AFDN: variants seen among roughly 807,000 people sequenced by gnomAD.
AFDN encodes the protein afadin.
AFDN carries 68 observed loss-of-function variants against 216.6 expected under a neutral mutation model. The ratio of observed to expected loss-of-function variants is 0.31; its 90% CI spans 0.26 to 0.38. The LOEUF (loss-of-function observed/expected upper bound fraction) is 0.38, where lower values mean the gene tolerates loss of function less well. Among genes scored for constraint, AFDN ranks in the 10% least tolerant of loss-of-function variants. The pLI, the probability that AFDN is intolerant of heterozygous loss-of-function variation, is 1.00. For synonymous variants in AFDN, 868 were observed against 853.7 expected (o/e 1.02, Z -0.29); for missense variants, 2,136 against 2,342.0 (o/e 0.91, Z 1.82).
At chr6:167,857,406 T>A (rs2128204512) in intron 1 of AFDN, among the ~76,000 whole-genome samples, 1 of 152,230 alleles carries the variant, frequency 6.6e-6, no homozygotes, top group South Asian at 2.1e-4. Context: ...ACCAGTTGAT[T>A]AGTTGTACTC....
chr6:167,961,235 T>G (rs1797007304), intron 30 of AFDN, among the ~76,000 whole-genome samples: 1 of 152,240 alleles, frequency 6.6e-6, no homozygotes, highest in Middle Eastern at 3.2e-3. Context: ...TAGATGGCTT[T>G]AAGTTTCATT....
At position 167,889,298 on chromosome 6, in the gene AFDN, A is replaced by G. The variant is rs771891291; in HGVS notation, c.981A>G (p.Gln327=). ...IILDDDECPL[Q]IFREWPSDKG... ...TTGATGATGATGAGTGTCCTTTACA[A>G]ATCTTCAGGGAATGGCCAAGTGACA... The change falls in exon 7 of 34, where the codon CAA becomes CAG. Residue 327 remains glutamine (Q), a synonymous_variant. Coordinates refer to ENST00000683244, the MANE Select transcript of AFDN (RefSeq NM_001386888.1). 5.6e-6 allele frequency: 9 copies of G among 1,613,674 alleles called. No homozygotes were observed. The highest frequency in any genetic ancestry group is 7.6e-6 in the Non-Finnish European group (9 of 1,179,582).
At chr6:167,899,151 C>T (rs1788637777) in intron 11 of AFDN, among the ~76,000 whole-genome samples, 3 of 152,096 alleles carry the variant, frequency 2.0e-5, no homozygotes. Flanking sequence ...TTGTTTTGTT[C>T]TACGGCATGC....
In AFDN at chr6:167,930,745, G is replaced by A. The variant is rs1226800926; in HGVS notation, c.3099+5654G>A. 2.0e-5 allele frequency among the ~76,000 whole-genome samples: 3 copies of A among 152,196 alleles called. No individual in the cohort carries two copies. The East Asian group carries it at 5.8e-4, about 29-fold the overall frequency. ...CAGCCACAGGGCAGTTTGTGGCATA[G>A]CGTGGCTGTGTTCCAATAAAACTTC... On this transcript the variant is annotated intron_variant, in intron 23 of 33. Transcript: ENST00000683244.
chr6:167,847,529 A>G (rs1781834215), intron 1 of AFDN, among the ~76,000 whole-genome samples: 1 of 152,180 alleles, frequency 6.6e-6, no homozygotes, highest in African/African-American at 2.4e-5. Context: ...ACAGCAGCTC[A>G]CTTTACCAAT....
intron 2 of AFDN, among the ~76,000 whole-genome samples, chr6:167,867,704 T>G (rs1218737376): frequency 6.6e-6 from 1 of 152,176 alleles, no homozygotes; most frequent in East Asian, 1.9e-4. Flanking sequence ...GTGCTGGGAT[T>G]ACAGGCGTGA....
chr6:167,889,416 G>C, intron 7 of AFDN, 90 bp downstream of exon 7: 2 of 901,610 alleles, frequency 2.2e-6, no homozygotes, highest in Admixed American at 4.1e-5. Flanking sequence ...AGATGTGTAC[G>C]TTAATGTTTT....
chr6:167,964,228 T>C (rs571317787), intron 31 of AFDN: 98 of 1,063,900 alleles, frequency 9.2e-5, no homozygotes, highest in Middle Eastern at 4.2e-4. Context: ...CCAAAACTCA[T>C]GGGTTTGCTT....
intron 31 of AFDN, chr6:167,963,987 T>C: frequency 9.4e-7 from 1 of 1,064,640 alleles, no homozygotes; most frequent in Non-Finnish European, 1.1e-6. Context: ...GGCCCAGTCC[T>C]GGCCACGCCG....
At chr6:167,878,605 CTG>C (rs1491223899) in intron 5 of AFDN, among the ~76,000 whole-genome samples, 1 of 141,220 alleles carries the variant, frequency 7.1e-6, no homozygotes, top group Non-Finnish European at 1.6e-5. Flanking sequence ...CTCTCTCTCT[CTG>C]TCTCTCTCTC....
intron 4 of AFDN, among the ~76,000 whole-genome samples, chr6:167,872,690 C>T (rs949467371): frequency 8.5e-5 from 13 of 152,162 alleles, no homozygotes; most frequent in Admixed American, 7.8e-4. Context: ...GGGTTTTTTC[C>T]TCATTTCTGT....
chr6:167,924,134 A>G (rs1562682829), intron 22 of AFDN, among the ~76,000 whole-genome samples: 1 of 152,020 alleles, frequency 6.6e-6, no homozygotes, highest in Non-Finnish European at 1.5e-5. Context: ...AACTAATTTT[A>G]TTTTCCTTAA....
chr6:167,918,696 GAGC>G, intron 20 of AFDN, 36 bp from the exon 21 acceptor site: 1 of 1,598,440 alleles, frequency 6.3e-7, no homozygotes, highest in Non-Finnish European at 8.6e-7. Flanking sequence ...ACCAGGCAGT[GAGC>G]ATCTCTTTTT....
At chr6:167,890,825 T>C (rs1318032651) in intron 7 of AFDN, 37 bp from the exon 8 acceptor site, 1 of 1,601,744 alleles carries the variant, frequency 6.2e-7, no homozygotes. Context: ...CTGACCAACC[T>C]GAGTCTGCCT....
At chr6:167,835,803 G>A (rs536058722) in intron 1 of AFDN, among the ~76,000 whole-genome samples, 2 of 152,086 alleles carry the variant, frequency 1.3e-5, no homozygotes, top group African/African-American at 2.4e-5. Context: ...TGACCTGAAA[G>A]GGTCTCAGAG....
chr6:167,852,455 A>G (rs1562553296), intron 1 of AFDN, among the ~76,000 whole-genome samples: 2 of 152,174 alleles, frequency 1.3e-5, no homozygotes, highest in African/African-American at 2.4e-5. Context: ...TTCAGGTCCA[A>G]TTGTTGGACA....
rs1317205630 is a variant in AFDN at position 167,911,144 on chromosome 6, A to G, written c.1813A>G (p.Ile605Val). 1.2e-6 allele frequency: 2 copies of G among 1,614,024 alleles called. No individual in the cohort carries two copies. The highest frequency in any genetic ancestry group is 4.5e-5 in the East Asian group (2 of 44,876). Reference protein sequence around the residue: ...SGPELILPASIEFRESSEDSF... With the variant: ...SGPELILPASVEFRESSEDSF... ...GCCTGAGCTGATACTACCTGCAAGCATTGAATTCAGGGAAAGTTGTGAGTA... is the reference window on the plus strand; with the variant it reads ...GCCTGAGCTGATACTACCTGCAAGCGTTGAATTCAGGGAAAGTTGTGAGTA... The change falls in exon 14 of 34, where the codon ATT becomes GTT. Residue 605 changes from isoleucine to valine, a missense_variant. Ile to Val is a conservative substitution (Grantham distance 29). Around this residue, in one of 8 missense-constraint regions of AFDN, gnomAD observed 817 missense variants for 965.7 expected, o/e 0.85. Coordinates refer to ENST00000683244, the MANE Select transcript of AFDN (RefSeq NM_001386888.1).
rs1237131698 is a variant in AFDN, at chr6:167,941,636, C to T, written c.3100-1493C>T. Among the ~76,000 whole-genome samples, 153 of 35,340 alleles carry T rather than the reference C, an allele frequency of 4.3e-3. 33 individuals are homozygous for T. The highest frequency in any genetic ancestry group is 0.034 in the East Asian group (8 of 236). 23.2% of individuals were successfully genotyped at this position (35,340 alleles called of 152,430 possible). A position where few individuals can be genotyped will look rare whatever the true frequency, so the allele number is the denominator to read the frequency against. On this transcript the variant is annotated intron_variant, in intron 23 of 33. Coordinates refer to ENST00000683244, the MANE Select transcript of AFDN (RefSeq NM_001386888.1). ...ACCATCCACAGGAGAGGTGTGTGGA[C>T]AGACACAGAGGGATGTAGGGGTGAG...
At chr6:167,909,810 A>G (rs73032769) in intron 13 of AFDN, among the ~76,000 whole-genome samples, 6,208 of 152,270 alleles carry the variant, frequency 0.041, 197 homozygotes, top group African/African-American at 0.077. Context: ...GGAAGGCAAA[A>G]CACATGTTCC....
Sources: allele counts gnomAD v4.1 joint callset (sites outside exome capture counted in the v4.1 genomes callset), GRCh38; gene constraint gnomAD v4.1.1; regional missense constraint gnomAD v4.1.1; transcripts MANE v1.5; gene names NCBI Gene and HGNC (gene_info 2026-07-23, HGNC 2026-07-21).